TBC1D8: variants seen among roughly 807,000 people sequenced by gnomAD.
TBC1D8 encodes BUB2-like protein 1.
A neutral mutation model predicts 118.8 loss-of-function variants in TBC1D8; 65 were observed. The ratio of observed to expected loss-of-function variants is 0.55; its 90% confidence interval spans 0.45 to 0.67. The LOEUF (loss-of-function observed/expected upper bound fraction) is 0.67. TBC1D8 is among the 30% of genes least tolerant of loss of function. The pLI, the probability that TBC1D8 is intolerant of heterozygous loss-of-function variation, is 0.00. For synonymous variants in TBC1D8, 566 were observed against 595.8 expected (o/e 0.95, Z 0.73); for missense variants, 1,376 against 1,471.2 (o/e 0.94, Z 1.06).
At chr2:101,035,775 G>A (rs761387707) in intron 9 of TBC1D8, among the ~76,000 whole-genome samples, 5 of 152,136 alleles carry the variant, frequency 3.3e-5, no homozygotes, top group Non-Finnish European at 7.3e-5. Context: ...AAGAGTGGCC[G>A]TCACTGTGCC....
intron 2 of TBC1D8, among the ~76,000 whole-genome samples, chr2:101,070,018 C>T (rs973079390): frequency 2.2e-4 from 33 of 151,298 alleles, no homozygotes; most frequent in Admixed American, 7.2e-4. Flanking sequence ...TGGGTTGAGG[C>T]GATTCTCCTG....
chr2:101,034,189 CAG>C (rs1410576291), intron 9 of TBC1D8, among the ~76,000 whole-genome samples: 1 of 152,120 alleles, frequency 6.6e-6, no homozygotes, highest in African/African-American at 2.4e-5. Flanking sequence ...GTCAAAAAAA[CAG>C]AAATAAAAGA....
At chr2:101,121,784 G>A (rs997074304) in intron 1 of TBC1D8, among the ~76,000 whole-genome samples, 1 of 152,180 alleles carries the variant, frequency 6.6e-6, no homozygotes, top group Non-Finnish European at 1.5e-5. Flanking sequence ...AACGAAATGC[G>A]GCCAGGCACA....
chr2:101,046,807 C>T (rs930454385), intron 5 of TBC1D8, among the ~76,000 whole-genome samples: 1 of 152,054 alleles, frequency 6.6e-6, no homozygotes, highest in South Asian at 2.1e-4. Flanking sequence ...TCTGGGCAGC[C>T]GCTATTCATC....
intron 8 of TBC1D8, among the ~76,000 whole-genome samples, chr2:101,036,764 G>A (rs772537777): frequency 7.2e-5 from 11 of 152,116 alleles, no homozygotes; most frequent in Non-Finnish European, 1.5e-5. Context: ...TTTTAAACTA[G>A]GTATTTACAT....
intron 1 of TBC1D8, among the ~76,000 whole-genome samples, chr2:101,096,551 C>T (rs891595193): frequency 6.6e-6 from 1 of 150,824 alleles, no homozygotes; most frequent in Non-Finnish European, 1.5e-5. Context: ...AAAATAACTG[C>T]AATAAATAAG....
chr2:101,018,039 T>C, intron 17 of TBC1D8: 1 of 1,066,630 alleles, frequency 9.4e-7, no homozygotes, highest in Non-Finnish European at 1.4e-6. Flanking sequence ...ATCAACCCCT[T>C]TTTCACTGAC....
At chr2:101,092,802 T>C (rs946176588) in intron 1 of TBC1D8, among the ~76,000 whole-genome samples, 23 of 152,186 alleles carry the variant, frequency 1.5e-4, no homozygotes, top group African/African-American at 5.1e-4. Context: ...TAATGGTATT[T>C]AAAAGCCAGT....
chr2:101,136,789 C>T (rs1483147451), intron 1 of TBC1D8, among the ~76,000 whole-genome samples: 1 of 152,164 alleles, frequency 6.6e-6, no homozygotes, highest in Non-Finnish European at 1.5e-5. Flanking sequence ...ATTCTGTAAG[C>T]AATCTTAATG....
intron 1 of TBC1D8, among the ~76,000 whole-genome samples, chr2:101,096,756 T>C (rs920212256): frequency 4.7e-5 from 7 of 148,434 alleles, no homozygotes; most frequent in Non-Finnish European, 1.0e-4. Context: ...GATAAGTCAA[T>C]AGAAACTTCC....
intron 1 of TBC1D8, among the ~76,000 whole-genome samples, chr2:101,119,923 A>G (rs1267052781): frequency 6.6e-6 from 1 of 152,174 alleles, no homozygotes; most frequent in Non-Finnish European, 1.5e-5. Flanking sequence ...CTGCAACATG[A>G]AGATAATAGT....
intron 2 of TBC1D8, among the ~76,000 whole-genome samples, chr2:101,078,053 C>A (rs531113673): frequency 6.6e-6 from 1 of 152,236 alleles, no homozygotes; most frequent in East Asian, 1.9e-4. Context: ...GCTCAGCACA[C>A]ACAAAGACCA....
At chr2:101,111,849 A>T (rs1431000381) in intron 1 of TBC1D8, among the ~76,000 whole-genome samples, 2 of 152,146 alleles carry the variant, frequency 1.3e-5, no homozygotes, top group Non-Finnish European at 2.9e-5. Flanking sequence ...AAATGTACAT[A>T]ATGCCACCAA....
intron 17 of TBC1D8, chr2:101,018,403 T>A (rs989759241): frequency 6.4e-6 from 1 of 157,154 alleles, no homozygotes; most frequent in Non-Finnish European, 1.4e-5. Context: ...CAACTGCAAA[T>A]TGGAATTATT....
In TBC1D8 at chr2:101,101,408, C is replaced by T. The variant is rs185839096; in HGVS notation, c.128-11044G>A. 2.0e-4 allele frequency among the ~76,000 whole-genome samples: 31 copies of T among 152,126 alleles called. No homozygotes were observed. The East Asian group carries it at 3.3e-3, about 16-fold the overall frequency. ...AAAGTCAGGAAACAATAGATGCTGG[C>T]GAGGCTGTGGAGAAATAGGAATGCT... On this transcript the variant is annotated intron_variant, in intron 1 of 19. Transcript: ENST00000409318.
At chr2:101,097,008 G>A (rs1676498372) in intron 1 of TBC1D8, among the ~76,000 whole-genome samples, 1 of 151,860 alleles carries the variant, frequency 6.6e-6, no homozygotes, top group Non-Finnish European at 1.5e-5. Flanking sequence ...CAAAATAAAT[G>A]TCAAAAAAAA....
At chr2:101,140,729 C>T (rs1170265613) in intron 1 of TBC1D8, among the ~76,000 whole-genome samples, 4 of 151,358 alleles carry the variant, frequency 2.6e-5, no homozygotes, top group Non-Finnish European at 2.9e-5. Flanking sequence ...TATCCACCTT[C>T]GCATCTCCAA....
intron 1 of TBC1D8, among the ~76,000 whole-genome samples, chr2:101,138,516 G>A (rs1160369482): frequency 1.3e-5 from 2 of 152,144 alleles, no homozygotes; most frequent in African/African-American, 4.8e-5. Context: ...GCCCAAGGCT[G>A]TCACCTGCAC....
At chr2:101,036,467 A>G (rs1175434969) in intron 8 of TBC1D8, among the ~76,000 whole-genome samples, 1 of 142,342 alleles carries the variant, frequency 7.0e-6, no homozygotes, top group Non-Finnish European at 1.5e-5. Context: ...TGTGAATCCA[A>G]GTATTAAAGT....
Sources: gnomAD v4.1 joint callset for allele counts (sites outside exome capture counted in the v4.1 genomes callset) on GRCh38, gnomAD v4.1.1 for gene constraint, MANE v1.5 for transcripts, NCBI Gene and HGNC (gene_info 2026-07-23, HGNC 2026-07-21) for gene names.